The following SIGLEC15 variants were observed in gnomAD, a reference collection of about 807,000 sequenced individuals.
The protein encoded by SIGLEC15 is sialic acid-binding Ig-like lectin 15.
A neutral mutation model predicts 26.2 loss-of-function variants in SIGLEC15; 31 were observed. The ratio of observed to expected loss-of-function variants is 1.18; its 90% CI spans 0.89 to 1.60. The LOEUF (loss-of-function observed/expected upper bound fraction) is 1.60, where lower values mean the gene tolerates loss of function less well. Among genes scored for constraint, SIGLEC15 ranks in the 40% most tolerant of loss-of-function variants. SIGLEC15 has a pLI of 0.00. For synonymous variants in SIGLEC15, 207 were observed against 221.9 expected (o/e 0.93, Z 0.60); for missense variants, 501 against 488.4 (o/e 1.03, Z -0.24).
rs1403622579 is a variant in SIGLEC15 at position 45,836,882 on chromosome 18, C to CTCTA, written c.53-146_53-143dup. 5.2e-6 allele frequency: 3 copies of CTCTA among 579,144 alleles called. No homozygotes were observed. In the African/African-American group the frequency reaches 5.6e-5, roughly 11 times the overall value. The allele number at this position is 579,144 out of a possible 1,614,324, so 35.9% of individuals were successfully genotyped here. ...TCGGAGAAGCCCCAAAGTTCCCAGCCTCTAGTGCACTAGAATGCAGGCTGT... is the reference window on the plus strand; with the variant it reads ...TCGGAGAAGCCCCAAAGTTCCCAGCCTCTATCTAGTGCACTAGAATGCAGGCTGT... On this transcript the variant is annotated intron_variant, in intron 1 of 5. Transcript: ENST00000389474.
At chr18:45,841,422 C>T (rs541413507) in intron 5 of SIGLEC15, among the ~76,000 whole-genome samples, 27 of 152,162 alleles carry the variant, frequency 1.8e-4, no homozygotes, top group Admixed American at 5.2e-4. Context: ...GCAGGAAAGG[C>T]GTGGGGGTTA....
At chr18:45,831,418 T>C (rs1055472464) in intron 1 of SIGLEC15, among the ~76,000 whole-genome samples, 10 of 152,244 alleles carry the variant, frequency 6.6e-5, no homozygotes, top group Middle Eastern at 3.2e-3. Flanking sequence ...TTCTAGCTTT[T>C]CAATTTTCAT....
intron 1 of SIGLEC15, among the ~76,000 whole-genome samples, chr18:45,827,850 C>A (rs1208781067): frequency 6.6e-6 from 1 of 152,150 alleles, no homozygotes; most frequent in East Asian, 1.9e-4. Context: ...CAGCAAGACA[C>A]AAAGGATTTA....
chr18:45,835,275 A>G (rs759057440), intron 1 of SIGLEC15, among the ~76,000 whole-genome samples: 5 of 152,212 alleles, frequency 3.3e-5, no homozygotes, highest in Admixed American at 3.3e-4. Context: ...AGACCAGACC[A>G]GTAAAGGTAA....
At chr18:45,838,547 A>T in intron 3 of SIGLEC15, 171 bp from the exon 4 acceptor site, 1 of 824,192 alleles carries the variant, frequency 1.2e-6, no homozygotes, top group Non-Finnish European at 1.8e-6. Context: ...AAGCAGAAGC[A>T]GAGATGATAG....
At position 45,837,743 on chromosome 18, in the gene SIGLEC15, C is replaced by T. The variant is rs2048287792; in HGVS notation, c.343C>T (p.Arg115Trp). The part of the protein sequence containing the change: ...QTALSLHGRF[R>W]LLGNPRRNDL... ...GGCGCTGAGCCTGCACGGCCGCTTC[C>T]GGCTGCTGGGCAACCCGCGCCGCAA... Residue 115 changes from arginine (R) to tryptophan (W), a missense_variant, in exon 3 of 6, where the codon CGG becomes TGG. Physicochemically the swap from Arg to Trp is moderately radical, Grantham distance 101 (BLOSUM62 -3). Transcript: ENST00000389474. The T allele has an allele frequency of 5.3e-6, 8 of 1,511,842 alleles. No homozygotes were observed. The highest frequency in any genetic ancestry group is 4.9e-5 in the South Asian group (4 of 81,872). The allele number at this position is 1,511,842 out of a possible 1,614,324, so 93.7% of individuals were successfully genotyped here.
chr18:45,832,046 C>T (rs961099979), intron 1 of SIGLEC15, among the ~76,000 whole-genome samples: 11 of 152,216 alleles, frequency 7.2e-5, no homozygotes, highest in African/African-American at 2.7e-4. Flanking sequence ...ATCTTAACCC[C>T]CTGTGGCATC....
In SIGLEC15 at chr18:45,840,309, A is replaced by G. The variant is rs1401167379; in HGVS notation, c.905+68A>G. 8 of 1,515,022 alleles carry G rather than the reference A, an allele frequency of 5.3e-6. No homozygotes were observed. In the East Asian group the frequency reaches 1.6e-4, roughly 31 times the overall value. 93.8% of individuals were successfully genotyped at this position (1,515,022 alleles called of 1,614,324 possible). A position where few individuals can be genotyped will look rare whatever the true frequency, so the allele number is the denominator to read the frequency against. ...CTAGTCCTCATCACCCAGGGGGTCCAGGCAGGAGAAGGAATAAATGGCAAA... is the reference window on the plus strand; with the variant it reads ...CTAGTCCTCATCACCCAGGGGGTCCGGGCAGGAGAAGGAATAAATGGCAAA... On this transcript the variant is annotated intron_variant, in intron 5 of 5. Transcript: ENST00000389474.
rs561975469 is a variant in SIGLEC15, at chr18:45,843,357, G to C, written c.*1170G>C. 1 of 152,432 alleles carries C rather than the reference G, an allele frequency of 6.6e-6. No homozygotes were observed. Among genetic ancestry groups the C allele is most frequent in the African/African-American group, 2.4e-5 (1 of 41,576 alleles). The allele number at this position is 152,432 out of a possible 1,614,324, so 9.4% of individuals were successfully genotyped here. ...TGGTCCTTGGGGCTTAGGGAGAGGA[G>C]GGAGGCATGCCTGGGTCCCAGGTAA... On this transcript the variant is annotated 3_prime_UTR_variant, in exon 6 of 6. Transcript: ENST00000389474.
Position 45,838,755 on chromosome 18 carries a change from T to G in SIGLEC15, c.534T>G (p.Ser178Arg), listed in dbSNP as rs756407556. 5 of 1,582,540 alleles carry G rather than the reference T, an allele frequency of 3.2e-6. No homozygotes were observed. The South Asian group carries it at 4.5e-5, about 14-fold the overall frequency. The part of the protein sequence containing the change: ...PRIVNISVLP[S>R]PAHAFRALCT... ...TCGTCAACATCTCGGTGCTGCCCAGTCCGGCTCACGCCTTCCGCGCGCTCT... is the reference window on the plus strand; with the variant it reads ...TCGTCAACATCTCGGTGCTGCCCAGGCCGGCTCACGCCTTCCGCGCGCTCT... Residue 178 changes from serine to arginine, a missense_variant, in exon 4 of 6, where the codon AGT becomes AGG. Coordinates refer to ENST00000389474, the MANE Select transcript of SIGLEC15 (RefSeq NM_213602.3).
Position 45,838,978 on chromosome 18 carries a change from T to C in SIGLEC15, c.757T>C (p.Phe253Leu). 2 of 1,601,496 alleles carry C rather than the reference T, an allele frequency of 1.2e-6. No homozygotes were observed. Among genetic ancestry groups the C allele is most frequent in the South Asian group, 1.1e-5 (1 of 90,394 alleles). Reference protein sequence around the residue: ...LGRSEASVYLFRFHGASGAST... With the variant: ...LGRSEASVYLLRFHGASGAST... Reference sequence around the variant, plus strand: ...CCGCTCCGAGGCCAGCGTCTACCTGTTCCGCTTCCATGGCGCCAGCGGGGC... The same window carrying C: ...CCGCTCCGAGGCCAGCGTCTACCTGCTCCGCTTCCATGGCGCCAGCGGGGC... Residue 253 changes from phenylalanine (F) to leucine (L), a missense_variant, in exon 4 of 6, where the codon TTC becomes CTC. Coordinates refer to ENST00000389474, the MANE Select transcript of SIGLEC15 (RefSeq NM_213602.3).
At position 45,843,729 on chromosome 18, in the gene SIGLEC15, A is replaced by C. The variant is rs1292230895; in HGVS notation, c.*1542A>C. On this transcript the variant is annotated 3_prime_UTR_variant, in exon 6 of 6. Coordinates refer to ENST00000389474, the MANE Select transcript of SIGLEC15 (RefSeq NM_213602.3). ...CTCTGTCTCTACTAAAAATACAAAA[A>C]TTAGCTGGGCGTGCTGGCACGTGCC... is the stretch of plus-strand genomic sequence containing the variant. 6.6e-6 allele frequency: 1 copy of C among 152,240 alleles called. No homozygotes were observed. 9.4% of individuals were successfully genotyped at this position (152,240 alleles called of 1,614,324 possible).
At chr18:45,829,717 C>T (rs12326162) in intron 1 of SIGLEC15, among the ~76,000 whole-genome samples, 61,779 of 151,854 alleles carry the variant, frequency 0.41, 13,311 homozygotes, top group East Asian at 0.53. Flanking sequence ...ACTGGCCACT[C>T]GTCAGCTGGT....
At position 45,837,719 on chromosome 18, in the gene SIGLEC15, G is replaced by A. The variant is rs62095363; in HGVS notation, c.319G>A (p.Ala107Thr). 3.6e-3 allele frequency: 5,373 copies of A among 1,499,610 alleles called. 34 individuals carry two copies. The highest frequency in any genetic ancestry group is 0.019 in the South Asian group (1,530 of 80,058). 92.9% of individuals were successfully genotyped at this position (1,499,610 alleles called of 1,614,324 possible). The change falls in exon 3 of 6, where the codon GCG becomes ACG. Residue 107 changes from alanine (A) to threonine (T), a missense_variant. Coordinates refer to ENST00000389474, the MANE Select transcript of SIGLEC15 (RefSeq NM_213602.3). ...AARGSELCQTALSLHGRFRLL... is the reference protein window; with the variant it reads ...AARGSELCQTTLSLHGRFRLL... ...GCGGGGCAGCGAGCTCTGCCAGACG[G>A]CGCTGAGCCTGCACGGCCGCTTCCG...
chr18:45,835,272 A>C (rs887764481), intron 1 of SIGLEC15, among the ~76,000 whole-genome samples: 5 of 152,186 alleles, frequency 3.3e-5, no homozygotes, highest in Non-Finnish European at 5.9e-5. Context: ...TCCAGACCAG[A>C]CCAGTAAAGG....
Position 45,842,283 on chromosome 18 carries a change from C to T in SIGLEC15, c.*96C>T. The T allele has an allele frequency of 1.4e-6, 2 of 1,392,986 alleles. No individual in the cohort carries two copies. The highest frequency in any genetic ancestry group is 2.0e-6 in the Non-Finnish European group (2 of 986,362). 86.3% of individuals were successfully genotyped at this position (1,392,986 alleles called of 1,614,324 possible). ...ACAGCCAGTCCTGGTTCTCGGGCAC[C>T]TTGGCAGCCCCCAGCTGGGTGGCTC... On this transcript the variant is annotated 3_prime_UTR_variant, in exon 6 of 6. Coordinates refer to ENST00000389474, the MANE Select transcript of SIGLEC15 (RefSeq NM_213602.3).
chr18:45,831,792 C>T (rs1411526589), intron 1 of SIGLEC15, among the ~76,000 whole-genome samples: 1 of 150,110 alleles, frequency 6.7e-6, no homozygotes, highest in African/African-American at 2.5e-5. Context: ...GGCTGGAGTA[C>T]AGTGGGGCAA....
intron 1 of SIGLEC15, among the ~76,000 whole-genome samples, chr18:45,831,828 C>G (rs1360324299): frequency 2.6e-5 from 4 of 151,964 alleles, no homozygotes; most frequent in South Asian, 2.1e-4. Flanking sequence ...GCCTCCGCCT[C>G]CCGGGTTCAA....
intron 5 of SIGLEC15, 128 bp from the exon 6 acceptor site, chr18:45,841,978 C>A: frequency 1.2e-6 from 1 of 857,258 alleles, no homozygotes; most frequent in Non-Finnish European, 1.9e-6. Flanking sequence ...CATCTCTGAG[C>A]CCTGCCGGTT....
Sources: allele counts gnomAD v4.1 joint callset (sites outside exome capture counted in the v4.1 genomes callset), GRCh38; gene constraint gnomAD v4.1.1; transcripts MANE v1.5; gene names NCBI Gene and HGNC (gene_info 2026-07-23, HGNC 2026-07-21).